ZRANB3: variants seen among roughly 807,000 people sequenced by gnomAD.
ZRANB3 encodes zinc finger RANBP2-type containing 3.
ZRANB3 carries 125 observed loss-of-function variants against 133.8 expected under a neutral mutation model. The observed-to-expected ratio is 0.93, with a 90% CI of 0.81 to 1.08. ZRANB3 has a LOEUF of 1.08. Among genes scored for constraint, ZRANB3 ranks in the 50% least tolerant of loss-of-function variants. The pLI, the probability that ZRANB3 is intolerant of heterozygous loss-of-function variation, is 0.00. For synonymous variants in ZRANB3, 387 were observed against 432.7 expected (o/e 0.89, Z 1.31); for missense variants, 1,229 against 1,275.5 (o/e 0.96, Z 0.56).
At chr2:135,445,085 AAT>A (rs1222947734) in intron 2 of ZRANB3, among the ~76,000 whole-genome samples, 30 of 152,270 alleles carry the variant, frequency 2.0e-4, no homozygotes, top group Admixed American at 1.5e-3. Flanking sequence ...GAAGTAAAGA[AAT>A]ATAGTGGTAA....
chr2:135,408,840 G>A (rs1281809782), intron 2 of ZRANB3, among the ~76,000 whole-genome samples: 1 of 152,068 alleles, frequency 6.6e-6, no homozygotes, highest in Non-Finnish European at 1.5e-5. Flanking sequence ...TCGGGGGATG[G>A]GGGAGGGATA....
chr2:135,227,735 T>C (rs1357706994), intron 14 of ZRANB3, 77 bp downstream of exon 14: 2 of 1,405,952 alleles, frequency 1.4e-6, no homozygotes, highest in Non-Finnish European at 2.0e-6. Context: ...AAGGTAGTAA[T>C]TACTAATCTA....
Position 135,329,132 on chromosome 2 carries a change from C to T in ZRANB3, c.678-13602G>A, listed in dbSNP as rs193069125. On this transcript the variant is annotated intron_variant, in intron 6 of 20. Coordinates refer to ENST00000264159, the MANE Select transcript of ZRANB3 (RefSeq NM_032143.4). ...TGGTGTTTTAGTCATGAGGCCCTTG[C>T]CCATGCCTATATCCTGAATGATATT... Among the ~76,000 whole-genome samples, 65 of 152,274 alleles carry T rather than the reference C, an allele frequency of 4.3e-4. 1 individual carries two copies. In the Middle Eastern group the frequency reaches 0.014, roughly 32 times the overall value.
intron 2 of ZRANB3, among the ~76,000 whole-genome samples, chr2:135,448,716 G>T (rs1690136722): frequency 6.6e-6 from 1 of 152,100 alleles, no homozygotes; most frequent in African/African-American, 2.4e-5. Context: ...GAAGAATGCT[G>T]GCCACAGGTA....
chr2:135,391,581 TC>T, intron 2 of ZRANB3, among the ~76,000 whole-genome samples: 2 of 149,064 alleles, frequency 1.3e-5, no homozygotes, highest in South Asian at 4.8e-4. Context: ...TTTATTTCTT[TC>T]TTTTTTTTTT....
rs1003907137 is a variant in ZRANB3, at chr2:135,197,190, C to T, written c.*3152G>A. 3 of 152,094 alleles carry T rather than the reference C, an allele frequency of 2.0e-5. No homozygotes were observed. The highest frequency in any genetic ancestry group is 4.4e-5 in the Non-Finnish European group (3 of 68,024). 9.4% of individuals were successfully genotyped at this position (152,094 alleles called of 1,614,324 possible). ...AACAAATGGTGGAATGAGAGACAGG[C>T]TAATAATATGCAACAGAAAATGAGA... On this transcript the variant is annotated 3_prime_UTR_variant, in exon 21 of 21. Transcript: ENST00000264159.
chr2:135,514,999 G>C (rs891980486), intron 1 of ZRANB3, among the ~76,000 whole-genome samples: 2 of 152,228 alleles, frequency 1.3e-5, no homozygotes, highest in East Asian at 3.9e-4. Flanking sequence ...CTTGATCTTG[G>C]TGGATAAGCT....
intron 8 of ZRANB3, among the ~76,000 whole-genome samples, chr2:135,310,387 C>A (rs2104820355): frequency 6.6e-6 from 1 of 152,122 alleles, no homozygotes; most frequent in African/African-American, 2.4e-5. Context: ...TTAAGGAGGG[C>A]AAAATAGTCT....
At chr2:135,237,638 G>A (rs1465552392) in intron 12 of ZRANB3, among the ~76,000 whole-genome samples, 10 of 152,016 alleles carry the variant, frequency 6.6e-5, no homozygotes, top group African/African-American at 2.4e-4. Flanking sequence ...CATGTCCTTT[G>A]TAGGGACATG....
At chr2:135,262,972 A>G (rs1479830824) in intron 12 of ZRANB3, among the ~76,000 whole-genome samples, 1 of 152,124 alleles carries the variant, frequency 6.6e-6, no homozygotes, top group African/African-American at 2.4e-5. Flanking sequence ...TATAGTGAAT[A>G]TAACAAAAAT....
Position 135,361,938 on chromosome 2 carries a change from T to C in ZRANB3, c.181-8310A>G, listed in dbSNP as rs944919817. 1.1e-4 allele frequency among the ~76,000 whole-genome samples: 16 copies of C among 152,170 alleles called. No homozygotes were observed. The East Asian group carries it at 3.1e-3, about 29-fold the overall frequency. ...GTACGGCCGGGCACAGTGGCTCACG[T>C]CTGTAATCCCAGCACTTTGGGAGGC... On this transcript the variant is annotated intron_variant, in intron 3 of 20. Transcript: ENST00000264159.
At chr2:135,462,416 T>G (rs1690801538) in intron 2 of ZRANB3, among the ~76,000 whole-genome samples, 1 of 152,188 alleles carries the variant, frequency 6.6e-6, no homozygotes, top group African/African-American at 2.4e-5. Context: ...ACACACAGTA[T>G]TTAAAGCCGT....
chr2:135,426,715 C>T (rs1341440606), intron 2 of ZRANB3, among the ~76,000 whole-genome samples: 1 of 148,900 alleles, frequency 6.7e-6, no homozygotes, highest in Non-Finnish European at 1.5e-5. Context: ...GCCAGTAGTC[C>T]CAGCTACTTG....
At chr2:135,297,584 C>T (rs1281857532) in intron 8 of ZRANB3, among the ~76,000 whole-genome samples, 1 of 152,196 alleles carries the variant, frequency 6.6e-6, no homozygotes, top group African/African-American at 2.4e-5. Context: ...ACCCACTGTC[C>T]TGCACCCACT....
chr2:135,362,767 G>A (rs1459784130), intron 3 of ZRANB3, among the ~76,000 whole-genome samples: 1 of 152,138 alleles, frequency 6.6e-6, no homozygotes, highest in South Asian at 2.1e-4. Context: ...AGGATTACAG[G>A]TGCACACCAC....
chr2:135,271,963 T>A (rs1419059164), intron 9 of ZRANB3, 76 bp from the exon 10 acceptor site: 1 of 1,365,480 alleles, frequency 7.3e-7, no homozygotes, highest in Non-Finnish European at 9.5e-7. Flanking sequence ...TTTTACAGCT[T>A]ATTTTTATGG....
chr2:135,451,540 C>A (rs1375732874), intron 2 of ZRANB3, among the ~76,000 whole-genome samples: 2 of 150,518 alleles, frequency 1.3e-5, no homozygotes, highest in Non-Finnish European at 3.0e-5. Context: ...CCAGCCTGGG[C>A]AACAGAGCGA....
chr2:135,400,780 C>T (rs935718469), intron 2 of ZRANB3, among the ~76,000 whole-genome samples: 13 of 152,056 alleles, frequency 8.5e-5, no homozygotes, highest in African/African-American at 2.7e-4. Flanking sequence ...GTTCTAACAC[C>T]GGAAAAGCAG....
chr2:135,382,365 G>C lies in ZRANB3; in HGVS notation c.180+8437C>G, dbSNP rs543513023. On this transcript the variant is annotated intron_variant, in intron 3 of 20. Transcript: ENST00000264159. ...ATGTGAAAAGACCAAATCTATGTCTGATTGGTGTACCTGAAAGTGACGGGG... is the reference window on the plus strand; with the variant it reads ...ATGTGAAAAGACCAAATCTATGTCTCATTGGTGTACCTGAAAGTGACGGGG... Among the ~76,000 whole-genome samples the C allele has an allele frequency of 1.1e-3, 163 of 152,328 alleles. 1 individual carries two copies. Among genetic ancestry groups the C allele is most frequent in the African/African-American group, 3.6e-3 (150 of 41,584 alleles).
Sources: gnomAD v4.1 joint callset for allele counts (sites outside exome capture counted in the v4.1 genomes callset) on GRCh38, gnomAD v4.1.1 for gene constraint, MANE v1.5 for transcripts, NCBI Gene and HGNC (gene_info 2026-07-23, HGNC 2026-07-21) for gene names.